Variants in PRIM2 observed in about 807,000 individuals in gnomAD.
PRIM2 encodes the protein DNA primase subunit 2.
PRIM2 carries 39 observed loss-of-function variants against 67.3 expected under a neutral mutation model. The observed-to-expected ratio is 0.58, with a 90% CI of 0.45 to 0.76. The LOEUF is 0.76. PRIM2 is among the 30% of genes least tolerant of loss of function. The pLI, the probability that PRIM2 is intolerant of heterozygous loss-of-function variation, is 0.00. For synonymous variants in PRIM2, 143 were observed against 198.7 expected (o/e 0.72, Z 2.36); for missense variants, 398 against 598.7 (o/e 0.66, Z 3.50).
intron 5 of PRIM2, among the ~76,000 whole-genome samples, chr6:57,326,549 C>G (rs1767864976): frequency 1.3e-5 from 2 of 151,956 alleles, no homozygotes; most frequent in African/African-American, 4.8e-5. Flanking sequence ...AGTGAAACCC[C>G]CACTCTACAA....
the PRIM2 span, among the ~76,000 whole-genome samples, chr6:57,257,954 G>T: frequency 1.3e-5 from 2 of 152,270 alleles, no homozygotes; most frequent in African/African-American, 4.8e-5. Context: ...AGTTTGAGCA[G>T]CCCTGCCTTA....
At chr6:57,488,285 A>G (rs1466661056) in intron 7 of PRIM2, among the ~76,000 whole-genome samples, 4 of 152,232 alleles carry the variant, frequency 2.6e-5, no homozygotes, top group African/African-American at 9.6e-5. Context: ...ATGAATGGCC[A>G]ATAAGTTTTC....
At chr6:57,329,399 T>C (rs1423740229) in intron 5 of PRIM2, among the ~76,000 whole-genome samples, 1 of 152,212 alleles carries the variant, frequency 6.6e-6, no homozygotes, top group African/African-American at 2.4e-5. Flanking sequence ...GAAATAACCA[T>C]TCTTTCCTCA....
chr6:57,269,405 T>A, the PRIM2 span, among the ~76,000 whole-genome samples: 1 of 152,122 alleles, frequency 6.6e-6, no homozygotes, highest in African/African-American at 2.4e-5. Flanking sequence ...CATTTTTTCA[T>A]GTGTTTTTTG....
intron 7 of PRIM2, among the ~76,000 whole-genome samples, chr6:57,419,362 G>T (rs1483234921): frequency 2.6e-5 from 4 of 152,132 alleles, no homozygotes; most frequent in Non-Finnish European, 5.9e-5. Flanking sequence ...TGTCCAATAG[G>T]GTTCACTTTG....
chr6:57,641,599 G>A (rs1777234865), intron 13 of PRIM2, among the ~76,000 whole-genome samples: 1 of 152,144 alleles, frequency 6.6e-6, no homozygotes, highest in South Asian at 2.1e-4. Flanking sequence ...CGCAAAAGAA[G>A]ACATTTATGT....
rs527522592 is a variant in PRIM2 at position 57,436,991 on chromosome 6, T to A, written c.693+54823T>A. Among the ~76,000 whole-genome samples, 109 of 152,308 alleles carry A rather than the reference T, an allele frequency of 7.2e-4. 1 individual carries two copies. The Middle Eastern group carries it at 0.027, about 38-fold the overall frequency. ...GAAATACTCGAGACTGGGTAATTTATAAAGAAAAGAGGTTTAATTGGCTCA... is the reference window on the plus strand; with the variant it reads ...GAAATACTCGAGACTGGGTAATTTAAAAAGAAAAGAGGTTTAATTGGCTCA... On this transcript the variant is annotated intron_variant, in intron 7 of 13. Transcript: ENST00000615550.
chr6:57,571,958 A>G (rs1274271923), intron 10 of PRIM2, among the ~76,000 whole-genome samples: 58 of 152,310 alleles, frequency 3.8e-4, no homozygotes, highest in South Asian at 1.4e-3. Flanking sequence ...TTCTGCCTCC[A>G]TGTCAACCCC....
intron 3 of PRIM2, among the ~76,000 whole-genome samples, chr6:57,321,323 G>A (rs2127269877): frequency 6.6e-6 from 1 of 152,302 alleles, no homozygotes; most frequent in South Asian, 2.1e-4. Flanking sequence ...AAGACGTAGA[G>A]TTTAGTTCTT....
intron 5 of PRIM2, among the ~76,000 whole-genome samples, chr6:57,343,839 G>C (rs967590039): frequency 6.6e-6 from 1 of 152,192 alleles, no homozygotes; most frequent in African/African-American, 2.4e-5. Flanking sequence ...TTTTGTAGTA[G>C]GGGAGAGAGA....
At chr6:57,474,170 TATC>T (rs1326036364) in intron 7 of PRIM2, among the ~76,000 whole-genome samples, 1 of 134,468 alleles carries the variant, frequency 7.4e-6, no homozygotes, top group Non-Finnish European at 1.5e-5. Context: ...GCAATTCTGC[TATC>T]TTTTTTTTTT....
intron 10 of PRIM2, among the ~76,000 whole-genome samples, chr6:57,543,397 C>A (rs1775219049): frequency 6.6e-6 from 1 of 152,114 alleles, no homozygotes; most frequent in South Asian, 2.1e-4. Flanking sequence ...TGGTAACAGT[C>A]AATTTCAACT....
At chr6:57,455,334 A>G (rs1314953154) in intron 7 of PRIM2, among the ~76,000 whole-genome samples, 7,196 of 152,066 alleles carry the variant, frequency 0.047, 298 homozygotes, top group African/African-American at 0.11. Context: ...CAATTCCTGG[A>G]TATCCTTGTT....
intron 10 of PRIM2, among the ~76,000 whole-genome samples, chr6:57,569,743 C>CATTTT (rs1308218577): frequency 1.4e-4 from 21 of 151,552 alleles, no homozygotes; most frequent in Admixed American, 6.6e-5. Context: ...CAGTTCTTAC[C>CATTTT]CTTTTCTTTT....
At chr6:57,346,559 C>T (rs1011423789) in intron 5 of PRIM2, among the ~76,000 whole-genome samples, 2 of 152,086 alleles carry the variant, frequency 1.3e-5, no homozygotes, top group Non-Finnish European at 2.9e-5. Flanking sequence ...ACCTTGTGAC[C>T]CGCCTACCTC....
chr6:57,421,396 A>C (rs1055105202), intron 7 of PRIM2, among the ~76,000 whole-genome samples: 2 of 152,168 alleles, frequency 1.3e-5, no homozygotes, highest in Non-Finnish European at 2.9e-5. Context: ...TATTTGAGTA[A>C]TGGCACTGAT....
chr6:57,307,546 T>TG, the PRIM2 span, among the ~76,000 whole-genome samples: 4 of 151,820 alleles, frequency 2.6e-5, no homozygotes, highest in African/African-American at 9.7e-5. Context: ...CCAAGGATGG[T>TG]TTTTTTTGCA....
intron 7 of PRIM2, among the ~76,000 whole-genome samples, chr6:57,430,697 G>A (rs142493139): frequency 0.013 from 1,947 of 152,156 alleles, 41 homozygotes; most frequent in African/African-American, 0.043. Flanking sequence ...CTGACCTCAG[G>A]TAATCTGCCC....
intron 12 of PRIM2, among the ~76,000 whole-genome samples, chr6:57,627,840 T>C (rs1642557767): frequency 6.6e-6 from 1 of 152,264 alleles, no homozygotes; most frequent in African/African-American, 2.4e-5. Flanking sequence ...GATCTTTATA[T>C]GAGTTTTTTC....
Sources: allele counts gnomAD v4.1 joint callset (sites outside exome capture counted in the v4.1 genomes callset), GRCh38; gene constraint gnomAD v4.1.1; transcripts MANE v1.5; gene names NCBI Gene and HGNC (gene_info 2026-07-23, HGNC 2026-07-21).